FAT3: variants seen among roughly 807,000 people sequenced by gnomAD.
FAT3 encodes the protein protocadherin Fat 3.
In FAT3, 95 loss-of-function variants were observed where a neutral mutation model predicts 310.2. The ratio of observed to expected loss-of-function variants is 0.31; its 90% CI spans 0.26 to 0.36. The LOEUF (loss-of-function observed/expected upper bound fraction) is 0.36, where lower values mean the gene tolerates loss of function less well. FAT3 is among the 10% of genes least tolerant of loss of function. FAT3 has a pLI of 1.00. For synonymous variants in FAT3, 2,314 were observed against 2,192.9 expected (o/e 1.06, Z -1.54); for missense variants, 5,408 against 5,715.6 (o/e 0.95, Z 1.74).
At chr11:92,441,901 T>C (rs1951071491) in intron 2 of FAT3, among the ~76,000 whole-genome samples, 1 of 151,560 alleles carries the variant, frequency 6.6e-6, no homozygotes, top group South Asian at 2.1e-4. Flanking sequence ...TCTGGAAGGA[T>C]ACCCCCAAGA....
chr11:92,263,918 T>C (rs180683825), intron 1 of FAT3, among the ~76,000 whole-genome samples: 2 of 152,186 alleles, frequency 1.3e-5, no homozygotes, highest in East Asian at 3.9e-4. Flanking sequence ...GAACAACTAC[T>C]GGGTTCCAGG....
At chr11:92,366,891 C>G (rs1045788812) in intron 2 of FAT3, 8 of 533,460 alleles carry the variant, frequency 1.5e-5, no homozygotes, top group African/African-American at 1.1e-4. Flanking sequence ...GGTGGTGGGA[C>G]ATCACAGGTG....
chr11:92,568,159 G>T (rs1239456876), intron 3 of FAT3, among the ~76,000 whole-genome samples: 1 of 152,128 alleles, frequency 6.6e-6, no homozygotes, highest in Non-Finnish European at 1.5e-5. Context: ...AATCAATAAG[G>T]TGTCTGTCAT....
At chr11:92,438,363 A>G (rs1384845200) in intron 2 of FAT3, among the ~76,000 whole-genome samples, 1 of 152,184 alleles carries the variant, frequency 6.6e-6, no homozygotes, top group Non-Finnish European at 1.5e-5. Context: ...AGAAGTCCAG[A>G]AAGGGTATGA....
Position 92,561,424 on chromosome 11 carries a change from A to G in FAT3, c.3607+36476A>G, listed in dbSNP as rs541761114. Among the ~76,000 whole-genome samples the G allele has an allele frequency of 5.6e-4, 86 of 152,262 alleles. No homozygotes were observed. The South Asian group carries it at 8.7e-3, about 15-fold the overall frequency. The stretch of plus-strand genomic sequence containing the variant: ...TGTTTAATATTCATAAAATTTCCAT[A>G]AAAGTCTAAGCATTTGAAAATACTT... On this transcript the variant is annotated intron_variant, in intron 3 of 27. Coordinates refer to ENST00000525166, the MANE Select transcript of FAT3 (RefSeq NM_001367949.2).
intron 1 of FAT3, among the ~76,000 whole-genome samples, chr11:92,281,023 A>G: frequency 6.6e-6 from 1 of 152,326 alleles, no homozygotes. Flanking sequence ...GCTACTACTT[A>G]TAATAGCAAA....
intron 1 of FAT3, among the ~76,000 whole-genome samples, chr11:92,304,390 G>C (rs1947070493): frequency 6.6e-6 from 1 of 152,054 alleles, no homozygotes; most frequent in Admixed American, 6.6e-5. Flanking sequence ...GTTTCAGGGA[G>C]GGATAACTGA....
At chr11:92,441,936 C>CTT (rs1325776147) in intron 2 of FAT3, among the ~76,000 whole-genome samples, 1 of 151,664 alleles carries the variant, frequency 6.6e-6, no homozygotes, top group Non-Finnish European at 1.5e-5. Flanking sequence ...CAAATACCCA[C>CTT]TTTCAGCAGA....
intron 1 of FAT3, among the ~76,000 whole-genome samples, chr11:92,340,980 G>A (rs1948243694): frequency 6.6e-6 from 1 of 152,140 alleles, no homozygotes; most frequent in Non-Finnish European, 1.5e-5. Context: ...ACCTGGCTTT[G>A]TCTTAGTCTC....
At chr11:92,565,317 C>T (rs1317245516) in intron 3 of FAT3, among the ~76,000 whole-genome samples, 1 of 149,246 alleles carries the variant, frequency 6.7e-6, no homozygotes, top group Non-Finnish European at 1.5e-5. Context: ...GACACATACA[C>T]TCTCCCAAGA....
chr11:92,588,819 G>A (rs1039713936), intron 3 of FAT3, among the ~76,000 whole-genome samples: 1 of 151,644 alleles, frequency 6.6e-6, no homozygotes, highest in African/African-American at 2.4e-5. Flanking sequence ...GAATTTAGAT[G>A]GGAAGGTGAA....
At chr11:92,582,959 T>C (rs1938896294) in intron 3 of FAT3, among the ~76,000 whole-genome samples, 1 of 152,054 alleles carries the variant, frequency 6.6e-6, no homozygotes, top group African/African-American at 2.4e-5. Flanking sequence ...TTGTGCACGA[T>C]AAGGTACCTT....
In FAT3 at chr11:92,394,343, G is replaced by A. The variant is rs1017003003; in HGVS notation, c.3292+38939G>A. Among the ~76,000 whole-genome samples the A allele has an allele frequency of 3.3e-5, 5 of 152,220 alleles. No homozygotes were observed. The East Asian group carries it at 9.7e-4, about 29-fold the overall frequency. On this transcript the variant is annotated intron_variant, in intron 2 of 27. Coordinates refer to ENST00000525166, the MANE Select transcript of FAT3 (RefSeq NM_001367949.2). The stretch of plus-strand genomic sequence containing the variant: ...AACAATTAGCTGAGGGTGGTGGCAT[G>A]CACCTGTAGGTGGAAGGATTGCTCA...
chr11:92,889,914 A>G (rs972561294), intron 27 of FAT3, 23 bp downstream of exon 27: 9 of 717,908 alleles, frequency 1.3e-5, no homozygotes, highest in Non-Finnish European at 2.1e-5. Context: ...CAACCCTAGC[A>G]TAACTTTTTG....
chr11:92,277,323 TGCTGTTTCATGCAAGACAGA>T (rs1444780696), intron 1 of FAT3, among the ~76,000 whole-genome samples: 1 of 152,106 alleles, frequency 6.6e-6, no homozygotes, highest in Non-Finnish European at 1.5e-5. Flanking sequence ...TAACTCTATC[TGCTGTTTCATGCAAGACAGA>T]GCAGATCATT....
chr11:92,848,353 C>G (rs1288868425), intron 19 of FAT3, among the ~76,000 whole-genome samples: 1 of 152,102 alleles, frequency 6.6e-6, no homozygotes, highest in Non-Finnish European at 1.5e-5. Flanking sequence ...GAGGTGGTTC[C>G]TGGTGAACTT....
chr11:92,844,633 G>A lies in FAT3; in HGVS notation c.11266G>A (p.Gly3756Ser), dbSNP rs1244829184. The A allele has an allele frequency of 2.5e-6, 4 of 1,612,354 alleles. No homozygotes were observed. The highest frequency in any genetic ancestry group is 2.2e-5 in the East Asian group (1 of 44,840). ...CTGTCAGGAACAGCATTGTGAGCAA[G>A]GCTTGTCACTCGATTCCCACGCGCT... ...LDCQEQHCEQ[G>S]LSLDSHALMT... is the part of the protein sequence containing the mutation. Residue 3756 changes from glycine (G) to serine (S), a missense_variant, in exon 19 of 28, where the codon GGC becomes AGC. Around this residue, in one of 5 missense-constraint regions of FAT3, gnomAD observed 4,588 missense variants for 4,809.8 expected, o/e 0.95. Transcript: ENST00000525166.
At chr11:92,394,249 G>A (rs534741648) in intron 2 of FAT3, among the ~76,000 whole-genome samples, 18 of 152,186 alleles carry the variant, frequency 1.2e-4, no homozygotes, top group African/African-American at 4.1e-4. Context: ...CAGGCAGATC[G>A]CTTGAGCCCA....
chr11:92,553,048 A>G (rs949815651), intron 3 of FAT3, among the ~76,000 whole-genome samples: 2 of 152,182 alleles, frequency 1.3e-5, no homozygotes, highest in Non-Finnish European at 2.9e-5. Flanking sequence ...AGAAAGAAAA[A>G]AAAGAAATTG....
Sources: allele counts gnomAD v4.1 joint callset (sites outside exome capture counted in the v4.1 genomes callset), GRCh38; gene constraint gnomAD v4.1.1; regional missense constraint gnomAD v4.1.1; transcripts MANE v1.5; gene names NCBI Gene and HGNC (gene_info 2026-07-23, HGNC 2026-07-21).